Variants in THEM4 observed in about 807,000 individuals in gnomAD.
The protein encoded by THEM4 is acyl-coenzyme A thioesterase THEM4.
Under a neutral mutation model 25.0 loss-of-function variants are expected in THEM4, and 22 were observed. The observed-to-expected ratio is 0.88, with a 90% confidence interval of 0.63 to 1.26. THEM4 has a LOEUF of 1.26. Ranked by LOEUF, THEM4 falls within the 50% of genes most tolerant of loss-of-function variation. The pLI is 0.00. For synonymous variants in THEM4, 113 were observed against 105.6 expected (o/e 1.07, Z -0.43); for missense variants, 286 against 300.3 (o/e 0.95, Z 0.35).
Position 151,895,055 on chromosome 1 carries a change from T to A in THEM4, c.239A>T (p.Lys80Ile). 6.2e-7 allele frequency: 1 copy of A among 1,614,130 alleles called. No individual in the cohort carries two copies. Among genetic ancestry groups the A allele is most frequent in the South Asian group, 1.1e-5 (1 of 91,080 alleles). ...TTGAATCCATTCAGTAGGTGTACGTTTATATGAAGGCAAACGTTTCCAGGA... is the reference window on the plus strand; with the variant it reads ...TTGAATCCATTCAGTAGGTGTACGTATATATGAAGGCAAACGTTTCCAGGA... ...DGSWKRLPSY[K>I]RTPTEWIQDF... Residue 80 changes from lysine to isoleucine, a missense_variant, in exon 2 of 6, where the codon AAA becomes ATA. Coordinates refer to ENST00000368814, the MANE Select transcript of THEM4 (RefSeq NM_053055.5).
At chr1:151,882,805 A>G (rs963856064) in intron 4 of THEM4, among the ~76,000 whole-genome samples, 17 of 152,318 alleles carry the variant, frequency 1.1e-4, no homozygotes, top group Non-Finnish European at 1.0e-4. Flanking sequence ...GAAGGGGAAA[A>G]TAACTTGTAG....
At chr1:151,894,889 T>A (rs1479813648) in intron 2 of THEM4, 119 bp downstream of exon 2, 1 of 1,169,494 alleles carries the variant, frequency 8.6e-7, no homozygotes, top group African/African-American at 1.5e-5. Context: ...TTGGTGACTA[T>A]AGAACCATAA....
intron 1 of THEM4, among the ~76,000 whole-genome samples, chr1:151,900,303 G>A (rs917620397): frequency 6.6e-6 from 1 of 152,044 alleles, no homozygotes; most frequent in Non-Finnish European, 1.5e-5. Context: ...GCAACAAAGA[G>A]TACAATGAAC....
intron 1 of THEM4, among the ~76,000 whole-genome samples, chr1:151,908,520 C>G (rs1180528243): frequency 6.6e-6 from 1 of 152,106 alleles, no homozygotes; most frequent in East Asian, 1.9e-4. Flanking sequence ...TTTCTCTGAG[C>G]CTTTAAGTAA....
chr1:151,878,889 T>TACACACACACAC (rs144026658), intron 4 of THEM4, among the ~76,000 whole-genome samples: 2,920 of 127,630 alleles, frequency 0.023, 131 homozygotes, highest in African/African-American at 0.037. Context: ...TGTATATGTC[T>TACACACACACAC]ATACACACAC....
intron 1 of THEM4, among the ~76,000 whole-genome samples, chr1:151,907,310 A>AT (rs1476044784): frequency 6.6e-6 from 1 of 152,182 alleles, no homozygotes; most frequent in Non-Finnish European, 1.5e-5. Flanking sequence ...TTTAAGAACT[A>AT]TAACACTCAC....
At chr1:151,893,426 AAGAG>A (rs3071185) in intron 2 of THEM4, among the ~76,000 whole-genome samples, 27 of 146,766 alleles carry the variant, frequency 1.8e-4, no homozygotes, top group South Asian at 2.2e-4. Context: ...CCCAAAACAA[AAGAG>A]AGAGAGAGAG....
At chr1:151,909,234 G>T in intron 1 of THEM4, 126 bp downstream of exon 1, 1 of 727,774 alleles carries the variant, frequency 1.4e-6, no homozygotes, top group East Asian at 3.3e-5. Flanking sequence ...CTGCCCTGTG[G>T]TGCCCAGGTG....
chr1:151,891,836 C>T (rs1046708599), intron 2 of THEM4, among the ~76,000 whole-genome samples: 5 of 151,998 alleles, frequency 3.3e-5, no homozygotes, highest in Admixed American at 6.6e-5. Flanking sequence ...GGGTAGATAG[C>T]GGACCAGCTG....
At chr1:151,907,963 C>A (rs1288446910) in intron 1 of THEM4, among the ~76,000 whole-genome samples, 1 of 152,174 alleles carries the variant, frequency 6.6e-6, no homozygotes, top group Non-Finnish European at 1.5e-5. Flanking sequence ...CTCCAAGGCG[C>A]CGGCATGGCT....
intron 4 of THEM4, among the ~76,000 whole-genome samples, chr1:151,879,873 G>T (rs1653773896): frequency 6.6e-6 from 1 of 151,782 alleles, no homozygotes; most frequent in Non-Finnish European, 1.5e-5. Context: ...AGCCAGGATG[G>T]TCTCAATCTC....
intron 2 of THEM4, among the ~76,000 whole-genome samples, chr1:151,894,152 G>A (rs1200958984): frequency 1.3e-5 from 2 of 152,096 alleles, no homozygotes; most frequent in East Asian, 1.9e-4. Flanking sequence ...CATGAGCCAC[G>A]GTGCCTGGCC....
intron 4 of THEM4, 72 bp downstream of exon 4, chr1:151,888,201 G>T: frequency 8.6e-7 from 1 of 1,161,344 alleles, no homozygotes; most frequent in Non-Finnish European, 1.2e-6. Context: ...ACAAATTATG[G>T]TGTCAAGATC....
At chr1:151,901,185 C>A (rs921698021) in intron 1 of THEM4, among the ~76,000 whole-genome samples, 2 of 152,290 alleles carry the variant, frequency 1.3e-5, no homozygotes, top group Middle Eastern at 3.4e-3. Context: ...TGATTTCCCA[C>A]TCTACACCCT....
chr1:151,893,286 C>A (rs1654133451), intron 2 of THEM4, among the ~76,000 whole-genome samples: 2 of 150,080 alleles, frequency 1.3e-5, no homozygotes, highest in Admixed American at 6.7e-5. Flanking sequence ...GTGGGAGAAT[C>A]ACTTGAACCC....
chr1:151,877,629 A>G (rs1558187988), intron 4 of THEM4, among the ~76,000 whole-genome samples: 1 of 152,216 alleles, frequency 6.6e-6, no homozygotes, highest in Non-Finnish European at 1.5e-5. Context: ...AGTACTGTCC[A>G]ATAGAACTTT....
chr1:151,888,652 T>C (rs1654020712), intron 3 of THEM4, among the ~76,000 whole-genome samples: 1 of 152,176 alleles, frequency 6.6e-6, no homozygotes, highest in African/African-American at 2.4e-5. Context: ...AAATGTAATT[T>C]AGAAAATTTA....
At chr1:151,888,243 A>G in intron 4 of THEM4, 30 bp downstream of exon 4, 1 of 1,566,232 alleles carries the variant, frequency 6.4e-7, no homozygotes. Context: ...ACAACACCTA[A>G]GGATAAATAG....
chr1:151,889,371 G>A lies in THEM4; in HGVS notation c.289C>T (p.Pro97Ser), dbSNP rs373914021. 3 of 1,611,660 alleles carry A rather than the reference G, an allele frequency of 1.9e-6. No homozygotes were observed. Among genetic ancestry groups the A allele is most frequent in the East Asian group, 4.5e-5 (2 of 44,852 alleles). Residue 97 changes from proline to serine, a missense_variant and splice_region_variant, in exon 3 of 6, where the codon CCA becomes TCA. Coordinates refer to ENST00000368814, the MANE Select transcript of THEM4 (RefSeq NM_053055.5). ...ATTTGTTCTTCTTTCATAAGCTTTG[G>A]GTCTATAGAAAATGAGGTGGATGGC... ...IQDFKTHFLD[P>S]KLMKEEQMSQ...
Sources: allele counts gnomAD v4.1 joint callset (sites outside exome capture counted in the v4.1 genomes callset), GRCh38; gene constraint gnomAD v4.1.1; transcripts MANE v1.5; gene names NCBI Gene and HGNC (gene_info 2026-07-23, HGNC 2026-07-21).